The following LIN9 variants were observed in gnomAD, a reference collection of about 807,000 sequenced individuals.
LIN9 encodes protein lin-9 homolog.
A neutral mutation model predicts 78.0 loss-of-function variants in LIN9; 18 were observed. That is an observed-to-expected ratio of 0.23 (90% confidence interval 0.16 to 0.34). LIN9 has a LOEUF of 0.34. Ranked by LOEUF, LIN9 falls within the 10% of genes least tolerant of loss-of-function variation. The probability of loss-of-function intolerance (pLI) is 1.00; values close to 1 mark genes in which losing one functional copy is unlikely to be tolerated. For missense variants in LIN9, 451 were observed against 644.1 expected (o/e 0.70, Z 3.25); for synonymous variants, 192 against 215.2 (o/e 0.89, Z 0.94).
chr1:226,245,202 TGAA>T (rs914974396), intron 11 of LIN9, among the ~76,000 whole-genome samples: 33 of 152,286 alleles, frequency 2.2e-4, no homozygotes, highest in Admixed American at 6.5e-4. Context: ...GTCTTCAGAA[TGAA>T]GAATACAAAA....
At chr1:226,247,767 G>C (rs553370438) in intron 11 of LIN9, among the ~76,000 whole-genome samples, 52 of 152,000 alleles carry the variant, frequency 3.4e-4, no homozygotes, top group Admixed American at 7.2e-4. Context: ...TGCTTCGTGG[G>C]TTCAAGCGAC....
In LIN9 at chr1:226,266,129, C is replaced by T. The variant is rs1659889636; in HGVS notation, c.936+84G>A. 15 of 838,804 alleles carry T rather than the reference C, an allele frequency of 1.8e-5. No homozygotes were observed. In the Admixed American group the frequency reaches 4.3e-4, roughly 24 times the overall value. The allele number at this position is 838,804 out of a possible 1,614,324, so 52.0% of individuals were successfully genotyped here. A position where few individuals can be genotyped will look rare whatever the true frequency, so the allele number is the denominator to read the frequency against. ...AAATAGTGTGCATACTTTGAAGTTG[C>T]TGTAATAGATGTGTATTTCTTAAGA... On this transcript the variant is annotated intron_variant, in intron 9 of 14. Transcript: ENST00000681046.
chr1:226,242,914 T>C (rs1034055794), intron 11 of LIN9, among the ~76,000 whole-genome samples: 1 of 143,868 alleles, frequency 7.0e-6, no homozygotes, highest in African/African-American at 2.6e-5. Context: ...TTTCTTAACA[T>C]TTCCTTTTCT....
At chr1:226,287,835 T>TTATA in intron 4 of LIN9, 38 bp from the exon 5 acceptor site, 1 of 1,447,460 alleles carries the variant, frequency 6.9e-7, no homozygotes, top group East Asian at 2.6e-5. Flanking sequence ...TATGGCTCCA[T>TTATA]TAAGTAAAAA....
chr1:226,240,696 T>C (rs1282592870), intron 11 of LIN9, among the ~76,000 whole-genome samples: 1 of 151,842 alleles, frequency 6.6e-6, no homozygotes, highest in Non-Finnish European at 1.5e-5. Flanking sequence ...GCCTGTTTTG[T>C]TTTTTAGAGA....
At position 226,265,547 on chromosome 1, in the gene LIN9, A is replaced by G; in HGVS notation, c.1024T>C (p.Phe342Leu). ...ACAATTCTTACCACTTGGATAAGAA[A>G]TTCTACTGGAAAACCACCTAATGTT... is the stretch of plus-strand genomic sequence containing the variant. Reference protein sequence around the residue: ...TETLGGFPVEFLIQVTRLSKI... With the variant: ...TETLGGFPVELLIQVTRLSKI... Residue 342 changes from phenylalanine (F) to leucine (L), a missense_variant, in exon 10 of 15, where the codon TTT becomes CTT. Coordinates refer to ENST00000681046, the MANE Select transcript of LIN9 (RefSeq NM_001366245.2). This position sits in a 1 kb window ranked among gnomAD's most constrained non-coding sequence, Gnocchi z 4.1. 1 of 1,603,374 alleles carries G rather than the reference A, an allele frequency of 6.2e-7. No homozygotes were observed. Among genetic ancestry groups the G allele is most frequent in the Non-Finnish European group, 8.5e-7 (1 of 1,170,798 alleles).
At chr1:226,305,340 A>C (rs913266121) in intron 1 of LIN9, among the ~76,000 whole-genome samples, 8 of 149,720 alleles carry the variant, frequency 5.3e-5, no homozygotes, top group African/African-American at 9.9e-5. Flanking sequence ...AAAAAAAAAA[A>C]ACCTTAGTTG....
intron 10 of LIN9, among the ~76,000 whole-genome samples, chr1:226,264,417 A>T (rs137875934): frequency 6.6e-6 from 1 of 152,146 alleles, no homozygotes; most frequent in African/African-American, 2.4e-5. Context: ...AATATTAAAT[A>T]AAAAAATGTG....
At chr1:226,262,514 T>G (rs1438764315) in intron 10 of LIN9, among the ~76,000 whole-genome samples, 1 of 152,148 alleles carries the variant, frequency 6.6e-6, no homozygotes. Flanking sequence ...AGATGGCAGA[T>G]AAGCATATGA....
At chr1:226,283,951 AAG>A (rs200206974) in intron 6 of LIN9, among the ~76,000 whole-genome samples, 1 of 151,956 alleles carries the variant, frequency 6.6e-6, no homozygotes, top group African/African-American at 2.4e-5. Flanking sequence ...TCAAAAAAAA[AAG>A]AGAGAGAGAG....
intron 7 of LIN9, among the ~76,000 whole-genome samples, chr1:226,270,251 C>A (rs957335930): frequency 1.3e-4 from 19 of 151,972 alleles, no homozygotes; most frequent in Non-Finnish European, 8.8e-5. Flanking sequence ...TATGCAGACA[C>A]AGGGGTAACT....
At chr1:226,247,269 T>C (rs1427438335) in intron 11 of LIN9, among the ~76,000 whole-genome samples, 1 of 152,142 alleles carries the variant, frequency 6.6e-6, no homozygotes, top group Non-Finnish European at 1.5e-5. Context: ...TTAAAATATA[T>C]TTCTAAAAAC....
chr1:226,303,331 A>C (rs1662681928), intron 1 of LIN9, among the ~76,000 whole-genome samples: 1 of 152,182 alleles, frequency 6.6e-6, no homozygotes, highest in African/African-American at 2.4e-5. Context: ...TAGTGATGGG[A>C]GGCAAACAAA....
At chr1:226,309,681 C>G (rs187594887), upstream of LIN9, 12 of 1,283,242 alleles carry the variant, frequency 9.4e-6, no homozygotes, top group Non-Finnish European at 1.0e-5. Context: ...TTCCCGAGAC[C>G]GCCGGCCGCA....
chr1:226,260,543 A>G (rs940031631), intron 10 of LIN9, among the ~76,000 whole-genome samples: 1 of 151,864 alleles, frequency 6.6e-6, no homozygotes, highest in Non-Finnish European at 1.5e-5. Context: ...TATCTTTCAT[A>G]AACACAGATG....
intron 1 of LIN9, among the ~76,000 whole-genome samples, chr1:226,302,043 TGACA>T (rs916731304): frequency 1.3e-5 from 2 of 152,058 alleles, no homozygotes; most frequent in Non-Finnish European, 2.9e-5. Flanking sequence ...CACTTCAGCC[TGACA>T]GACAGAGTAC....
At chr1:226,234,160 T>A (rs1657533160) in intron 12 of LIN9, among the ~76,000 whole-genome samples, 1 of 152,224 alleles carries the variant, frequency 6.6e-6, no homozygotes, top group Admixed American at 6.5e-5. Context: ...CAGTAAAGGA[T>A]TTCCTTTTTG....
intron 1 of LIN9, among the ~76,000 whole-genome samples, chr1:226,303,079 A>T (rs1166952247): frequency 2.0e-5 from 3 of 152,254 alleles, no homozygotes; most frequent in African/African-American, 7.2e-5. Context: ...CATGGGGGTG[A>T]ATGACATAAA....
chr1:226,286,547 T>C (rs1661389101), intron 5 of LIN9, 89 bp from the exon 6 acceptor site: 2 of 946,222 alleles, frequency 2.1e-6, no homozygotes, highest in East Asian at 5.0e-5. Flanking sequence ...AACTTTCACT[T>C]CTACCCCATA....
Sources: gnomAD v4.1 joint callset for allele counts (sites outside exome capture counted in the v4.1 genomes callset) on GRCh38, gnomAD v4.1.1 for gene constraint, Gnocchi (gnomAD v3.1) non-coding constraint, MANE v1.5 for transcripts, NCBI Gene and HGNC (gene_info 2026-07-23, HGNC 2026-07-21) for gene names.